HDLBP: variants seen among roughly 807,000 people sequenced by gnomAD.
HDLBP encodes the protein vigilin.
HDLBP carries 30 observed loss-of-function variants against 137.3 expected under a neutral mutation model. The observed-to-expected ratio is 0.22, with a 90% CI of 0.16 to 0.30. The LOEUF (loss-of-function observed/expected upper bound fraction) is 0.30. HDLBP is among the 10% of genes least tolerant of loss of function. The pLI, the probability that HDLBP is intolerant of heterozygous loss-of-function variation, is 1.00. For missense variants in HDLBP, 1,119 were observed against 1,667.3 expected, an observed-to-expected ratio of 0.67 and a Z score of 5.73; for synonymous variants, 606 against 596.0, an observed-to-expected ratio of 1.02 and a Z score of -0.24.
chr2:241,242,324 T>C (rs911865609), intron 17 of HDLBP, 136 bp downstream of exon 17: 5 of 706,298 alleles, frequency 7.1e-6, no homozygotes, highest in African/African-American at 3.6e-5. Context: ...CAAAGACGCA[T>C]AAACAGTACA....
intron 11 of HDLBP, among the ~76,000 whole-genome samples, chr2:241,252,523 T>C (rs937487801): frequency 1.3e-5 from 2 of 152,168 alleles, no homozygotes; most frequent in African/African-American, 4.8e-5. Flanking sequence ...CCTCCCCATG[T>C]TGTTTTACTT....
chr2:241,244,893 G>C (rs2071543270), intron 16 of HDLBP, among the ~76,000 whole-genome samples: 1 of 152,146 alleles, frequency 6.6e-6, no homozygotes, highest in African/African-American at 2.4e-5. Context: ...TGAGCACGTG[G>C]GGATGGTGGT....
intron 1 of HDLBP, among the ~76,000 whole-genome samples, chr2:241,314,098 T>C (rs908393592): frequency 2.6e-5 from 4 of 152,208 alleles, no homozygotes; most frequent in Non-Finnish European, 5.9e-5. Flanking sequence ...ACTTGATAGG[T>C]TGATGTTTCA....
intron 24 of HDLBP, chr2:241,231,279 G>A (rs566024764): frequency 2.7e-5 from 5 of 185,798 alleles, no homozygotes; most frequent in East Asian, 2.8e-4. Context: ...AGCTACTCCC[G>A]GGGCTGAGGC....
At position 241,238,898 on chromosome 2, in the gene HDLBP, G is replaced by T; in HGVS notation, c.2611-111C>A. 1.2e-6 allele frequency: 1 copy of T among 816,488 alleles called. No individual in the cohort carries two copies. The highest frequency in any genetic ancestry group is 1.8e-6 in the Non-Finnish European group (1 of 553,338). 50.6% of individuals were successfully genotyped at this position (816,488 alleles called of 1,614,324 possible). On this transcript the variant is annotated intron_variant, in intron 19 of 27. Coordinates refer to ENST00000310931, the MANE Select transcript of HDLBP (RefSeq NM_005336.6). The surrounding 1 kb of genome is among the most constrained non-coding windows in gnomAD (Gnocchi z 4.9). Reference sequence around the variant, plus strand: ...CCTCCCTGTCCTCTACAGCCACTTGGCACAGATGCTCCCCTTCTCCCGAGT... The same window carrying T: ...CCTCCCTGTCCTCTACAGCCACTTGTCACAGATGCTCCCCTTCTCCCGAGT...
At chr2:241,298,427 G>A (rs2075267506) in intron 1 of HDLBP, among the ~76,000 whole-genome samples, 1 of 151,968 alleles carries the variant, frequency 6.6e-6, no homozygotes, top group Non-Finnish European at 1.5e-5. Flanking sequence ...GGAGCTTGAG[G>A]GGCTCTCAGG....
Position 241,287,408 on chromosome 2 carries a change from ATTTC to A in HDLBP, c.-102-18871_-102-18868del, listed in dbSNP as rs1422501112. On this transcript the variant is annotated intron_variant, in intron 1 of 27. Coordinates refer to ENST00000310931, the MANE Select transcript of HDLBP (RefSeq NM_005336.6). ...AGGCATAAGCCACCGCGCCCGGCCT[ATTTC>A]TTTCTTTCTTTTTTTTTTTTTTTTC... 7.7e-4 allele frequency among the ~76,000 whole-genome samples: 109 copies of A among 140,740 alleles called. 1 individual carries two copies. The highest frequency in any genetic ancestry group is 4.0e-3 in the Middle Eastern group (1 of 252). The allele number at this position is 140,740 out of a possible 152,430, so 92.3% of individuals were successfully genotyped here. A position where few individuals can be genotyped will look rare whatever the true frequency, so the allele number is the denominator to read the frequency against.
In HDLBP at chr2:241,239,882, G is replaced by A. The variant is rs187071085; in HGVS notation, c.2391+19C>T. ...CATCACGGCCCCAGCAGAGTCGGCC[G>A]CCGAGGCCCGCTCCCTACCAGGTTT... On this transcript the variant is annotated intron_variant, in intron 18 of 27. Coordinates refer to ENST00000310931, the MANE Select transcript of HDLBP (RefSeq NM_005336.6). The surrounding 1 kb of genome is among the most constrained non-coding windows in gnomAD (Gnocchi z 4.6). 16 of 1,612,570 alleles carry A rather than the reference G, an allele frequency of 9.9e-6. No homozygotes were observed. The highest frequency in any genetic ancestry group is 9.3e-5 in the African/African-American group (7 of 74,968).
At chr2:241,291,578 C>A (rs959233895) in intron 1 of HDLBP, among the ~76,000 whole-genome samples, 3 of 152,180 alleles carry the variant, frequency 2.0e-5, no homozygotes, top group Admixed American at 2.0e-4. Flanking sequence ...TTTCTTCTTT[C>A]TCCCCAGCAG....
intron 1 of HDLBP, among the ~76,000 whole-genome samples, chr2:241,276,254 AAG>A (rs2074383268): frequency 1.3e-5 from 2 of 152,182 alleles, no homozygotes; most frequent in Admixed American, 6.5e-5. Flanking sequence ...AGGAAAAACA[AAG>A]AGTTTTTAAC....
Position 241,239,564 on chromosome 2 carries a change from G to C in HDLBP, c.2610+38C>G, listed in dbSNP as rs767609258. On this transcript the variant is annotated intron_variant, in intron 19 of 27. Transcript: ENST00000310931. This position sits in a 1 kb window ranked among gnomAD's most constrained non-coding sequence, Gnocchi z 4.6. ...ACACGGCTTCGGTGAGTGGCCACTG[G>C]GGGGTGAGAACCCCTCCCCGAGCAC... 1.6e-5 allele frequency: 25 copies of C among 1,536,884 alleles called. No individual in the cohort carries two copies. Among genetic ancestry groups the C allele is most frequent in the African/African-American group, 9.5e-5 (7 of 73,544 alleles).
intron 13 of HDLBP, 64 bp from the exon 14 acceptor site, chr2:241,248,180 A>C: frequency 6.4e-7 from 1 of 1,554,488 alleles, no homozygotes; most frequent in East Asian, 2.2e-5. Flanking sequence ...CAAATATCAA[A>C]TATTCCTGAA....
chr2:241,267,048 G>C (rs576054478), intron 2 of HDLBP, 142 bp from the exon 3 acceptor site: 141 of 648,476 alleles, frequency 2.2e-4, no homozygotes, highest in Middle Eastern at 7.8e-4. Flanking sequence ...AACCTCTGAT[G>C]TAAGCTGATA....
chr2:241,287,135 G>C (rs754653807), intron 1 of HDLBP, among the ~76,000 whole-genome samples: 2 of 152,182 alleles, frequency 1.3e-5, no homozygotes, highest in Non-Finnish European at 2.9e-5. Context: ...TTTTGAGACA[G>C]AGTCTCACTC....
intron 10 of HDLBP, 25 bp from the exon 11 acceptor site, chr2:241,253,060 T>C (rs372139571): frequency 2.6e-5 from 40 of 1,551,128 alleles, no homozygotes; most frequent in African/African-American, 1.2e-4. Flanking sequence ...CAGAGGTCCA[T>C]GGATGCGCCT....
intron 1 of HDLBP, among the ~76,000 whole-genome samples, chr2:241,270,270 C>T (rs1490862925): frequency 3.3e-5 from 5 of 152,152 alleles, no homozygotes; most frequent in Non-Finnish European, 1.5e-5. Flanking sequence ...GTTCCTCAGG[C>T]GTGCACAGAC....
At chr2:241,246,454 G>T in intron 16 of HDLBP, 1 of 321,446 alleles carries the variant, frequency 3.1e-6, no homozygotes, top group Non-Finnish European at 5.7e-6. Context: ...TTTTTTTAAA[G>T]GAAAGAAAAT....
intron 5 of HDLBP, among the ~76,000 whole-genome samples, chr2:241,260,276 G>A (rs1000012733): frequency 6.6e-6 from 1 of 152,194 alleles, no homozygotes; most frequent in Non-Finnish European, 1.5e-5. Flanking sequence ...AAAGTGCTAG[G>A]ATTATAGGCG....
In HDLBP at chr2:241,240,031, C is replaced by T. The variant is rs1399655029; in HGVS notation, c.2261G>A (p.Arg754His). The change falls in exon 18 of 28, where the codon CGC (arginine) becomes CAC (histidine). Residue 754 changes from arginine to histidine, a missense_variant. Arg to His is a conservative substitution (Grantham distance 29). Coordinates refer to ENST00000310931, the MANE Select transcript of HDLBP (RefSeq NM_005336.6). This position sits in a 1 kb window ranked among gnomAD's most constrained non-coding sequence, Gnocchi z 5.5. ...GATGACACGTGCTCCAGTGCTGTCGCGCACCTTGCGAATTTTGCCGCCCCC... is the reference window on the plus strand; with the variant it reads ...GATGACACGTGCTCCAGTGCTGTCGTGCACCTTGCGAATTTTGCCGCCCCC... Reference protein sequence around the residue: ...GKGGGKIRKVRDSTGARVIFP... With the variant: ...GKGGGKIRKVHDSTGARVIFP... 2.5e-6 allele frequency: 4 copies of T among 1,614,066 alleles called. No homozygotes were observed. Among genetic ancestry groups the T allele is most frequent in the Non-Finnish European group, 3.4e-6 (4 of 1,180,050 alleles).
Sources: allele counts gnomAD v4.1 joint callset (sites outside exome capture counted in the v4.1 genomes callset), GRCh38; gene constraint gnomAD v4.1.1; non-coding constraint Gnocchi (gnomAD v3.1); transcripts MANE v1.5; gene names NCBI Gene and HGNC (gene_info 2026-07-23, HGNC 2026-07-21).